DEAF1: variants seen among roughly 807,000 people sequenced by gnomAD.
DEAF1 encodes the protein DEAF1 transcription factor.
Under a neutral mutation model 58.9 loss-of-function variants are expected in DEAF1, and 53 were observed. The ratio of observed to expected loss-of-function variants is 0.90; its 90% CI spans 0.72 to 1.13. DEAF1 has a LOEUF of 1.13. DEAF1 is among the 50% of genes most tolerant of loss of function. The pLI is 0.00. For missense variants in DEAF1, 685 were observed against 791.4 expected, an observed-to-expected ratio of 0.87 and a Z score of 1.61; for synonymous variants, 385 against 340.4, an observed-to-expected ratio of 1.13 and a Z score of -1.44.
intron 10 of DEAF1, among the ~76,000 whole-genome samples, chr11:669,986 G>T (rs192505696): frequency 1.7e-3 from 247 of 147,196 alleles, no homozygotes; most frequent in Non-Finnish European, 2.8e-3. Flanking sequence ...ACAAAAATTA[G>T]CCAGGCATGG....
chr11:684,776 C>T, intron 6 of DEAF1, 122 bp downstream of exon 6: 1 of 827,092 alleles, frequency 1.2e-6, no homozygotes, highest in Non-Finnish European at 2.0e-6. Context: ...GAAGTGAGGA[C>T]AGTGTCTCTC....
chr11:684,801 C>T (rs1860519491), intron 6 of DEAF1, 97 bp downstream of exon 6: 1 of 1,033,584 alleles, frequency 9.7e-7, no homozygotes, highest in Non-Finnish European at 1.5e-6. Context: ...AGGCAGAGGG[C>T]AGGAGGGAAA....
chr11:686,862 A>ATAC lies in DEAF1; in HGVS notation c.799_800insGTA (p.Leu266_Ile267insSer). 6.2e-7 allele frequency: 1 copy of ATAC among 1,614,172 alleles called. No individual in the cohort carries two copies. Among genetic ancestry groups the ATAC allele is most frequent in the Non-Finnish European group, 8.5e-7 (1 of 1,180,036 alleles). On this transcript the variant is annotated inframe_insertion, in exon 5 of 12. Transcript: ENST00000382409. ...AGGTGAGGTCACGGACGATACCTGG[A>ATAC]TGAGGCACTGCAAGGGTCGGCCCGC...
At chr11:703,566 A>G (rs1322573577) in intron 1 of DEAF1, 1 of 1,233,476 alleles carries the variant, frequency 8.1e-7, no homozygotes. Flanking sequence ...CAATGGTCCT[A>G]ATTTGTGTTC....
chr11:663,576 C>T (rs1480334568), intron 10 of DEAF1, among the ~76,000 whole-genome samples: 3 of 151,464 alleles, frequency 2.0e-5, no homozygotes, highest in Non-Finnish European at 2.9e-5. Flanking sequence ...TCAGCAACTG[C>T]CTGTGGAATG....
chr11:704,194 C>T, intron 1 of DEAF1: 2 of 1,029,716 alleles, frequency 1.9e-6, no homozygotes, highest in Non-Finnish European at 2.5e-6. Flanking sequence ...AGAGAGCACA[C>T]CCCACTTGCC....
At chr11:654,149 C>A (rs1178232410) in intron 10 of DEAF1, 98 bp from the exon 11 acceptor site, 2 of 839,520 alleles carry the variant, frequency 2.4e-6, no homozygotes, top group Non-Finnish European at 3.9e-6. Context: ...GCCCCAAGTT[C>A]CCCCCATTGG....
At chr11:681,239 CTTTTTCT>C in intron 6 of DEAF1, 150 bp from the exon 7 acceptor site, 1 of 1,142,186 alleles carries the variant, frequency 8.8e-7, no homozygotes, top group East Asian at 2.5e-5. Context: ...GATCCCACCT[CTTTTTCT>C]TTTTTGAGAC....
chr11:646,635 A>C (rs764696148), intron 11 of DEAF1: 2 of 152,248 alleles, frequency 1.3e-5, no homozygotes, highest in Non-Finnish European at 2.9e-5. Flanking sequence ...CTTCCAGCAA[A>C]GAGGCAAAGG....
intron 6 of DEAF1, among the ~76,000 whole-genome samples, chr11:681,650 T>C (rs541871779): frequency 6.6e-6 from 1 of 152,090 alleles, no homozygotes; most frequent in Non-Finnish European, 1.5e-5. Context: ...GACCTCGTGA[T>C]CTGCCCACCT....
upstream of DEAF1, chr11:698,756 A>T (rs2133456698): frequency 7.8e-7 from 1 of 1,282,694 alleles, no homozygotes; most frequent in Non-Finnish European, 1.1e-6. Context: ...GCTTTCTACA[A>T]ATACGAGATC....
At chr11:699,751 C>CAAAA, upstream of DEAF1, 1 of 166,430 alleles carries the variant, frequency 6.0e-6, no homozygotes, top group Non-Finnish European at 1.3e-5. Context: ...GACTCTATCT[C>CAAAA]AAAAAAAAAA....
intron 10 of DEAF1, among the ~76,000 whole-genome samples, chr11:656,675 G>A (rs895327967): frequency 3.3e-5 from 5 of 152,166 alleles, no homozygotes; most frequent in South Asian, 2.1e-4. Context: ...AGAAGGGCAC[G>A]GGTCTCCGTG....
At chr11:663,397 G>A (rs1342372292) in intron 10 of DEAF1, among the ~76,000 whole-genome samples, 2 of 152,184 alleles carry the variant, frequency 1.3e-5, no homozygotes, top group African/African-American at 2.4e-5. Flanking sequence ...GCAGTGAGCC[G>A]AGATTCTGCC....
intron 1 of DEAF1, among the ~76,000 whole-genome samples, chr11:701,765 A>G (rs1292498953): frequency 6.6e-6 from 1 of 152,156 alleles, no homozygotes; most frequent in Non-Finnish European, 1.5e-5. Context: ...GGCTCAAGCA[A>G]TCTGCCCACC....
chr11:695,371 C>T, upstream of DEAF1: 1 of 419,092 alleles, frequency 2.4e-6, no homozygotes, highest in Non-Finnish European at 4.2e-6. Flanking sequence ...GGTCCGAGTC[C>T]TCACGAGGGC....
chr11:649,347 G>A (rs561874484), intron 11 of DEAF1, among the ~76,000 whole-genome samples: 20 of 152,150 alleles, frequency 1.3e-4, no homozygotes, highest in Admixed American at 6.5e-4. Flanking sequence ...GCTTGAACCC[G>A]GGAAGCGGAG....
intron 7 of DEAF1, among the ~76,000 whole-genome samples, chr11:680,286 C>T (rs1405149830): frequency 2.6e-5 from 4 of 152,168 alleles, no homozygotes; most frequent in Admixed American, 6.5e-5. Flanking sequence ...CTGTGGGACT[C>T]TTCCTGCACC....
intron 11 of DEAF1, among the ~76,000 whole-genome samples, chr11:649,490 C>A (rs538105484): frequency 1.3e-5 from 2 of 151,042 alleles, no homozygotes; most frequent in Non-Finnish European, 3.0e-5. Context: ...GAGGCCGAGG[C>A]GGGCGGATCA....
Sources: allele counts gnomAD v4.1 joint callset (sites outside exome capture counted in the v4.1 genomes callset), GRCh38; gene constraint gnomAD v4.1.1; transcripts MANE v1.5; gene names NCBI Gene and HGNC (gene_info 2026-07-23, HGNC 2026-07-21).